The following FSTL5 variants were observed in gnomAD, a reference collection of about 807,000 sequenced individuals.
FSTL5 encodes follistatin-related protein 5.
FSTL5 carries 62 observed loss-of-function variants against 89.1 expected under a neutral mutation model. The ratio of observed to expected loss-of-function variants is 0.70; its 90% CI spans 0.57 to 0.86. FSTL5 has a LOEUF of 0.86. Ranked by LOEUF, FSTL5 falls within the 40% of genes least tolerant of loss-of-function variation. The pLI is 0.00. For missense variants in FSTL5, 1,057 were observed against 1,001.6 expected (o/e 1.06, Z -0.75); for synonymous variants, 383 against 346.2 (o/e 1.11, Z -1.18).
At chr4:162,041,247 G>C (rs1308373796) in intron 2 of FSTL5, among the ~76,000 whole-genome samples, 1 of 147,204 alleles carries the variant, frequency 6.8e-6, no homozygotes, top group Non-Finnish European at 1.5e-5. Flanking sequence ...CCATAGCAAA[G>C]TGTAAAAGCA....
At chr4:161,987,278 A>G (rs972874870) in intron 3 of FSTL5, among the ~76,000 whole-genome samples, 2 of 151,554 alleles carry the variant, frequency 1.3e-5, no homozygotes, top group Non-Finnish European at 2.9e-5. Context: ...GGCTGTTTTT[A>G]TTTGTTTGTT....
At chr4:161,608,467 T>C (rs1197244716) in intron 7 of FSTL5, among the ~76,000 whole-genome samples, 1 of 152,108 alleles carries the variant, frequency 6.6e-6, no homozygotes, top group Non-Finnish European at 1.5e-5. Flanking sequence ...TCTTTAATTG[T>C]CTTTTTTGGG....
At chr4:161,432,300 G>C (rs1732405333) in intron 15 of FSTL5, among the ~76,000 whole-genome samples, 1 of 151,940 alleles carries the variant, frequency 6.6e-6, no homozygotes, top group African/African-American at 2.4e-5. Context: ...AGTAACAAGA[G>C]GAATTTTGAA....
At chr4:161,601,979 A>G (rs1734256487) in intron 7 of FSTL5, among the ~76,000 whole-genome samples, 1 of 152,106 alleles carries the variant, frequency 6.6e-6, no homozygotes, top group Non-Finnish European at 1.5e-5. Context: ...AAAACAATCA[A>G]TGGAACTAAC....
At chr4:162,056,017 T>C (rs1578991694) in intron 2 of FSTL5, among the ~76,000 whole-genome samples, 1 of 151,910 alleles carries the variant, frequency 6.6e-6, no homozygotes, top group African/African-American at 2.4e-5. Flanking sequence ...TGCTTCTATA[T>C]AACCAAAGAG....
chr4:162,133,393 G>T (rs1732398916), intron 1 of FSTL5, among the ~76,000 whole-genome samples: 1 of 152,096 alleles, frequency 6.6e-6, no homozygotes, highest in African/African-American at 2.4e-5. Flanking sequence ...CAGCTCTTTT[G>T]GTTCCTACTC....
intron 2 of FSTL5, among the ~76,000 whole-genome samples, chr4:162,051,011 C>T (rs975885858): frequency 4.6e-5 from 7 of 151,326 alleles, no homozygotes; most frequent in African/African-American, 1.7e-4. Flanking sequence ...ACCATTTAAA[C>T]CTCTTCTATG....
At chr4:161,999,292 T>C (rs1467380560) in intron 3 of FSTL5, among the ~76,000 whole-genome samples, 2 of 152,186 alleles carry the variant, frequency 1.3e-5, no homozygotes, top group Non-Finnish European at 2.9e-5. Context: ...CCAAAAGTTA[T>C]AAAGTATCTG....
intron 2 of FSTL5, among the ~76,000 whole-genome samples, chr4:162,079,182 G>A (rs1049982544): frequency 6.6e-6 from 1 of 151,710 alleles, no homozygotes; most frequent in Non-Finnish European, 1.5e-5. Flanking sequence ...GTAGGTGGTG[G>A]TTAGCTTTCT....
At chr4:161,523,269 G>A (rs1731098190) in intron 10 of FSTL5, among the ~76,000 whole-genome samples, 1 of 152,138 alleles carries the variant, frequency 6.6e-6, no homozygotes, top group South Asian at 2.1e-4. Context: ...AATATTTTCA[G>A]GTTAGGCTCT....
chr4:161,880,020 T>C (rs1210476829), intron 4 of FSTL5, among the ~76,000 whole-genome samples: 1 of 152,196 alleles, frequency 6.6e-6, no homozygotes, highest in Admixed American at 6.5e-5. Flanking sequence ...GTAGACATCT[T>C]TCTCAAGATG....
intron 13 of FSTL5, among the ~76,000 whole-genome samples, chr4:161,473,611 A>G (rs1245250588): frequency 6.6e-6 from 1 of 151,920 alleles, no homozygotes; most frequent in East Asian, 1.9e-4. Context: ...AAATGTGTAT[A>G]TAGAGAGACA....
At chr4:161,506,445 A>C in intron 11 of FSTL5, among the ~76,000 whole-genome samples, 1 of 151,968 alleles carries the variant, frequency 6.6e-6, no homozygotes, top group Middle Eastern at 3.4e-3. Flanking sequence ...TATTTCCGTA[A>C]GTTTTTTGGG....
intron 11 of FSTL5, among the ~76,000 whole-genome samples, chr4:161,504,119 T>A (rs13151235): frequency 3.3e-5 from 5 of 151,864 alleles, no homozygotes; most frequent in Non-Finnish European, 4.4e-5. Context: ...GTTTGAAAAC[T>A]TAGCTTTAAA....
chr4:161,829,900 T>G (rs1730790924), intron 4 of FSTL5, among the ~76,000 whole-genome samples: 1 of 152,084 alleles, frequency 6.6e-6, no homozygotes, highest in South Asian at 2.1e-4. Flanking sequence ...AAACACATTT[T>G]GCAATTTTGT....
At chr4:161,961,907 T>C (rs1269309187) in intron 3 of FSTL5, among the ~76,000 whole-genome samples, 1 of 151,700 alleles carries the variant, frequency 6.6e-6, no homozygotes, top group Non-Finnish European at 1.5e-5. Context: ...ATTGAAATTA[T>C]GAAATGTGTT....
intron 12 of FSTL5, among the ~76,000 whole-genome samples, chr4:161,485,336 G>T (rs941129243): frequency 6.6e-6 from 1 of 152,190 alleles, no homozygotes; most frequent in Non-Finnish European, 1.5e-5. Flanking sequence ...GTTTTCTGCT[G>T]TAATTCTTTT....
intron 4 of FSTL5, among the ~76,000 whole-genome samples, chr4:161,800,033 T>G (rs1729746904): frequency 6.6e-6 from 1 of 151,728 alleles, no homozygotes; most frequent in Admixed American, 6.6e-5. Flanking sequence ...GCTAACTGAT[T>G]ATTCAAATAG....
intron 15 of FSTL5, among the ~76,000 whole-genome samples, chr4:161,437,247 A>G (rs986409815): frequency 6.6e-6 from 1 of 151,994 alleles, no homozygotes. Context: ...GGTAACAGCT[A>G]GTGAGGGTGG....
Sources: gnomAD v4.1 joint callset for allele counts (sites outside exome capture counted in the v4.1 genomes callset) on GRCh38, gnomAD v4.1.1 for gene constraint, MANE v1.5 for transcripts, NCBI Gene and HGNC (gene_info 2026-07-23, HGNC 2026-07-21) for gene names.